SLC2A9: variants seen among roughly 807,000 people sequenced by gnomAD.
The protein encoded by SLC2A9 is solute carrier family 2, facilitated glucose transporter member 9.
SLC2A9 carries 39 observed loss-of-function variants against 50.6 expected under a neutral mutation model. The ratio of observed to expected loss-of-function variants is 0.77; its 90% CI spans 0.60 to 1.01. SLC2A9 has a LOEUF of 1.01. Among genes scored for constraint, SLC2A9 ranks in the 50% least tolerant of loss-of-function variants. The pLI, the probability that SLC2A9 is intolerant of heterozygous loss-of-function variation, is 0.00. For synonymous variants in SLC2A9, 324 were observed against 276.9 expected, an observed-to-expected ratio of 1.17 and a Z score of -1.69; for missense variants, 686 against 677.6, an observed-to-expected ratio of 1.01 and a Z score of -0.14.
chr4:9,949,496 G>T (rs13328050), intron 5 of SLC2A9, among the ~76,000 whole-genome samples: 74,118 of 152,108 alleles, frequency 0.49, 19,442 homozygotes, highest in African/African-American at 0.67. Context: ...CTAGTCCATA[G>T]AAGAGAAAAT....
intron 1 of SLC2A9, 37 bp downstream of exon 1, chr4:10,021,243 A>G: frequency 6.2e-7 from 1 of 1,607,630 alleles, no homozygotes; most frequent in Non-Finnish European, 8.5e-7. Flanking sequence ...CCTTCCCCAC[A>G]GCCCGCCAGC....
chr4:9,825,222 C>G (rs1238657234), downstream of SLC2A9, among the ~76,000 whole-genome samples: 2 of 152,174 alleles, frequency 1.3e-5, no homozygotes, highest in African/African-American at 4.8e-5. Flanking sequence ...AACCACAAGC[C>G]ACACATTACG....
chr4:9,888,954 C>T (rs1736809846), intron 9 of SLC2A9, among the ~76,000 whole-genome samples: 1 of 152,138 alleles, frequency 6.6e-6, no homozygotes, highest in Non-Finnish European at 1.5e-5. Flanking sequence ...CGAGCTGCCC[C>T]TGGGTGCCAG....
chr4:9,848,754 G>A (rs1394923476), intron 10 of SLC2A9, among the ~76,000 whole-genome samples: 1 of 150,922 alleles, frequency 6.6e-6, no homozygotes, highest in Non-Finnish European at 1.5e-5. Flanking sequence ...GGCTGGAGTG[G>A]AGTGCAGTGG....
chr4:9,795,030 A>G (rs1245817989), downstream of SLC2A9, among the ~76,000 whole-genome samples: 2 of 7,966 alleles, frequency 2.5e-4, no homozygotes, highest in Non-Finnish European at 1.1e-3. Context: ...TTTTTTTTTT[A>G]AGACAAAGTC....
chr4:10,025,994 G>A (rs759082095), upstream of SLC2A9: 2 of 1,610,254 alleles, frequency 1.2e-6, no homozygotes, highest in African/African-American at 1.3e-5. Flanking sequence ...TTGAACTTTT[G>A]TTGTTATTGT....
At chr4:9,775,883 C>T (rs1203189316), downstream of SLC2A9, among the ~76,000 whole-genome samples, 1 of 152,160 alleles carries the variant, frequency 6.6e-6, no homozygotes, top group Non-Finnish European at 1.5e-5. Context: ...AGCACATGGG[C>T]CTTCTCCATC....
rs113692117 is a variant in SLC2A9, at chr4:9,930,278, T to G, written c.815-9706A>C. ...ATCAGAGCAAGACGGATATCTGTGT[T>G]GCAAGTTTAGCAAATGCCAGGTCTT... On this transcript the variant is annotated intron_variant, in intron 6 of 11. Transcript: ENST00000264784. Among the ~76,000 whole-genome samples the G allele has an allele frequency of 4.2e-3, 644 of 152,322 alleles. 1 individual carries two copies. Among genetic ancestry groups the G allele is most frequent in the African/African-American group, 0.014 (594 of 41,576 alleles).
intron 10 of SLC2A9, among the ~76,000 whole-genome samples, chr4:9,850,714 C>T (rs1051510358): frequency 9.9e-5 from 15 of 152,278 alleles, no homozygotes; most frequent in Admixed American, 2.6e-4. Flanking sequence ...GTGCCCCACT[C>T]CCCCACCATC....
chr4:9,788,180 G>GT (rs1350393209), intron 3 of SLC2A9, among the ~76,000 whole-genome samples: 8 of 151,846 alleles, frequency 5.3e-5, no homozygotes, highest in Non-Finnish European at 1.0e-4. Context: ...TAGAATCTTG[G>GT]TTTTTTAGTT....
chr4:9,918,768 G>A (rs1298116746), intron 7 of SLC2A9, among the ~76,000 whole-genome samples: 5 of 152,204 alleles, frequency 3.3e-5, no homozygotes, highest in Non-Finnish European at 4.4e-5. Context: ...TGGGAAGCCA[G>A]GCCTCTGACT....
intron 1 of SLC2A9, among the ~76,000 whole-genome samples, chr4:9,772,065 T>C (rs571175161): frequency 1.3e-5 from 2 of 152,286 alleles, no homozygotes; most frequent in African/African-American, 2.4e-5. Context: ...ATAATGTGGG[T>C]TGCAGGGAAT....
At chr4:9,802,163 G>C (rs1251781995) in intron 3 of SLC2A9, among the ~76,000 whole-genome samples, 3 of 152,138 alleles carry the variant, frequency 2.0e-5, no homozygotes, top group Non-Finnish European at 4.4e-5. Flanking sequence ...GAACCTTTTA[G>C]ACGGCCATTC....
chr4:9,864,466 G>T (rs1398741958), intron 10 of SLC2A9, among the ~76,000 whole-genome samples: 1 of 152,206 alleles, frequency 6.6e-6, no homozygotes, highest in Non-Finnish European at 1.5e-5. Context: ...ACAGCTTAGG[G>T]AAATTCTTAT....
At chr4:9,779,961 A>G (rs1272975171) in exon 4 of SLC2A9, 1 of 152,276 alleles carries the variant, frequency 6.6e-6, no homozygotes, top group African/African-American at 2.4e-5. Context: ...TTGAGGAAAT[A>G]CCACATGACC....
chr4:9,854,057 AT>A (rs1338273434), intron 10 of SLC2A9, among the ~76,000 whole-genome samples: 3 of 152,192 alleles, frequency 2.0e-5, no homozygotes, highest in Non-Finnish European at 1.5e-5. Context: ...AAGATCTCAA[AT>A]TAACAACCTA....
intron 7 of SLC2A9, among the ~76,000 whole-genome samples, chr4:9,910,249 G>A (rs1354128835): frequency 6.6e-6 from 1 of 152,180 alleles, no homozygotes; most frequent in Non-Finnish European, 1.5e-5. Context: ...AGACTCCATC[G>A]TTAGCCTGAA....
chr4:9,835,368 T>G (rs1475327476), intron 10 of SLC2A9, among the ~76,000 whole-genome samples: 1 of 152,236 alleles, frequency 6.6e-6, no homozygotes, highest in South Asian at 2.1e-4. Flanking sequence ...TCACGCCCTG[T>G]GCCCAGACCA....
chr4:9,847,329 T>C (rs1012322381), intron 10 of SLC2A9, among the ~76,000 whole-genome samples: 2 of 152,164 alleles, frequency 1.3e-5, no homozygotes, highest in Non-Finnish European at 2.9e-5. Context: ...GGAGATGTCA[T>C]ACACTTTTAA....
Sources: gnomAD v4.1 joint callset for allele counts (sites outside exome capture counted in the v4.1 genomes callset) on GRCh38, gnomAD v4.1.1 for gene constraint, MANE v1.5 for transcripts, NCBI Gene and HGNC (gene_info 2026-07-23, HGNC 2026-07-21) for gene names.